The following ANXA10 variants were observed in gnomAD, a reference collection of about 807,000 sequenced individuals.
ANXA10 encodes the protein annexin 14.
A neutral mutation model predicts 53.5 loss-of-function variants in ANXA10; 49 were observed. The observed-to-expected ratio is 0.92, with a 90% confidence interval of 0.73 to 1.16. ANXA10 has a LOEUF of 1.16. Ranked by LOEUF, ANXA10 falls within the 50% of genes most tolerant of loss-of-function variation. The pLI is 0.00. For synonymous variants in ANXA10, 131 were observed against 128.9 expected, an observed-to-expected ratio of 1.02 and a Z score of -0.11; for missense variants, 393 against 394.4, an observed-to-expected ratio of 1.00 and a Z score of 0.03.
At chr4:168,127,998 A>C (rs556365748) in intron 1 of ANXA10, 86 bp from the exon 2 acceptor site, 1 of 1,215,870 alleles carries the variant, frequency 8.2e-7, no homozygotes, top group Non-Finnish European at 1.2e-6. Flanking sequence ...TGCAGAGATT[A>C]CAGGTATGAG....
At chr4:168,134,856 CTA>C (rs1488661471) in intron 2 of ANXA10, among the ~76,000 whole-genome samples, 1 of 152,164 alleles carries the variant, frequency 6.6e-6, no homozygotes, top group Non-Finnish European at 1.5e-5. Context: ...ATACAGTCAT[CTA>C]TGTTAATTCT....
chr4:168,115,889 C>A (rs17053674), intron 1 of ANXA10, among the ~76,000 whole-genome samples: 3,565 of 152,170 alleles, frequency 0.023, 132 homozygotes, highest in African/African-American at 0.077. Context: ...TAGAGCATAG[C>A]CTGCTTATGT....
intron 1 of ANXA10, among the ~76,000 whole-genome samples, chr4:168,121,922 C>T (rs531324768): frequency 6.6e-6 from 1 of 152,186 alleles, no homozygotes; most frequent in Non-Finnish European, 1.5e-5. Flanking sequence ...CCACTCACGG[C>T]AACCTCCACC....
intron 9 of ANXA10, among the ~76,000 whole-genome samples, chr4:168,181,399 A>G (rs1732241827): frequency 6.6e-6 from 1 of 151,832 alleles, no homozygotes; most frequent in African/African-American, 2.4e-5. Context: ...TCAAAAAAAA[A>G]AAAAAAAAGA....
chr4:168,183,086 T>C (rs183854546), intron 10 of ANXA10, among the ~76,000 whole-genome samples: 204 of 151,692 alleles, frequency 1.3e-3, no homozygotes, highest in African/African-American at 4.6e-3. Context: ...TGTCGTAGCC[T>C]TGAAAACTCA....
chr4:168,155,583 T>C (rs1260961179), intron 3 of ANXA10, among the ~76,000 whole-genome samples: 1 of 73,452 alleles, frequency 1.4e-5, no homozygotes, highest in Non-Finnish European at 2.3e-5. Flanking sequence ...TTATATATTA[T>C]AAATATATAT....
chr4:168,155,565 A>T (rs867390143), intron 3 of ANXA10, among the ~76,000 whole-genome samples: 69 of 63,882 alleles, frequency 1.1e-3, no homozygotes, highest in Middle Eastern at 0.017. Context: ...TAATTATATA[A>T]TATATAATTA....
chr4:168,143,195 C>G (rs1731353014), intron 3 of ANXA10, among the ~76,000 whole-genome samples: 1 of 152,160 alleles, frequency 6.6e-6, no homozygotes, highest in South Asian at 2.1e-4. Context: ...TTGACATCTA[C>G]CACCGCTCAC....
rs748098443 is a variant in ANXA10 at position 168,139,508 on chromosome 4, C to T, written c.123C>T (p.Ile41=). Residue 41 remains isoleucine, a synonymous_variant, in exon 3 of 12, where the codon ATC becomes ATT. Coordinates refer to ENST00000359299, the MANE Select transcript of ANXA10 (RefSeq NM_007193.5). ...QGFDCDKDML[I]NILTQRCNAQ... The stretch of plus-strand genomic sequence containing the variant: ...CAGACTGTGACAAAGACATGCTGAT[C>T]AACATTCTGACTCAGCGCTGCAATG... 2 of 1,612,528 alleles carry T rather than the reference C, an allele frequency of 1.2e-6. No individual in the cohort carries two copies. Among genetic ancestry groups the T allele is most frequent in the Non-Finnish European group, 1.7e-6 (2 of 1,178,820 alleles).
Position 168,149,607 on chromosome 4 carries a change from G to C in ANXA10, c.195+10027G>C, listed in dbSNP as rs1184022640. Among the ~76,000 whole-genome samples, 8 of 152,042 alleles carry C rather than the reference G, an allele frequency of 5.3e-5. 1 individual carries two copies. Among genetic ancestry groups the C allele is most frequent in the Admixed American group, 3.9e-4 (6 of 15,262 alleles). On this transcript the variant is annotated intron_variant, in intron 3 of 11. Coordinates refer to ENST00000359299, the MANE Select transcript of ANXA10 (RefSeq NM_007193.5). Reference sequence around the variant, plus strand: ...TTAGGGAGAATCTTTTTCTGTTCTGGAGTGTCAGAGAATTTCTGAAGATTG... The same window carrying C: ...TTAGGGAGAATCTTTTTCTGTTCTGCAGTGTCAGAGAATTTCTGAAGATTG...
Position 168,139,426 on chromosome 4 carries a change from G to T in ANXA10, c.101-60G>T, listed in dbSNP as rs956496778. 5.0e-6 allele frequency: 7 copies of T among 1,406,484 alleles called. No homozygotes were observed. In the African/African-American group the frequency reaches 9.9e-5, roughly 20 times the overall value. 87.1% of individuals were successfully genotyped at this position (1,406,484 alleles called of 1,614,324 possible). ...ATACTGGTTATGATCGTTAGATAAA[G>T]GATTCTTCCCAACTACAAAGTAGCA... On this transcript the variant is annotated intron_variant, in intron 2 of 11. Coordinates refer to ENST00000359299, the MANE Select transcript of ANXA10 (RefSeq NM_007193.5).
intron 3 of ANXA10, among the ~76,000 whole-genome samples, chr4:168,147,641 C>G (rs1001425513): frequency 6.6e-6 from 1 of 152,202 alleles, no homozygotes; most frequent in Admixed American, 6.5e-5. Context: ...GGTCTCCAAT[C>G]ATAAGGTTTT....
At chr4:168,093,643 C>T (rs1304508571) in intron 1 of ANXA10, among the ~76,000 whole-genome samples, 4 of 152,132 alleles carry the variant, frequency 2.6e-5, no homozygotes, top group African/African-American at 4.8e-5. Context: ...CGCCACTGCA[C>T]TCCAGCCTGG....
At position 168,167,770 on chromosome 4, in the gene ANXA10, G is replaced by A. The variant is rs542497866; in HGVS notation, c.480+2444G>A. Among the ~76,000 whole-genome samples, 3 of 152,232 alleles carry A rather than the reference G, an allele frequency of 2.0e-5. No homozygotes were observed. The East Asian group carries it at 5.8e-4, about 29-fold the overall frequency. ...ATATTTCTCCGGTATGACTTTCTTTGCATCCTTGCTCCCTCATTTATGCCT... is the reference window on the plus strand; with the variant it reads ...ATATTTCTCCGGTATGACTTTCTTTACATCCTTGCTCCCTCATTTATGCCT... On this transcript the variant is annotated intron_variant, in intron 6 of 11. Transcript: ENST00000359299.
chr4:168,155,044 T>G (rs1376783581), intron 3 of ANXA10, among the ~76,000 whole-genome samples: 3 of 151,782 alleles, frequency 2.0e-5, no homozygotes, highest in African/African-American at 7.3e-5. Context: ...CAACCCAACA[T>G]TTACTGAAGG....
chr4:168,134,451 A>G (rs935568631), intron 2 of ANXA10, among the ~76,000 whole-genome samples: 4 of 152,188 alleles, frequency 2.6e-5, no homozygotes, highest in African/African-American at 9.7e-5. Context: ...AGAGCGCTAG[A>G]TTGTGGATAA....
intron 1 of ANXA10, among the ~76,000 whole-genome samples, chr4:168,106,757 G>A (rs1177950245): frequency 6.6e-6 from 1 of 152,028 alleles, no homozygotes; most frequent in Non-Finnish European, 1.5e-5. Flanking sequence ...TTCTGGCTGT[G>A]CTTTATTTTT....
At chr4:168,176,507 AAAC>A (rs1732130261) in intron 6 of ANXA10, among the ~76,000 whole-genome samples, 1 of 152,164 alleles carries the variant, frequency 6.6e-6, no homozygotes, top group Admixed American at 6.5e-5. Context: ...CCATGGTCAT[AAAC>A]AACTCAATCT....
At chr4:168,185,510 G>A (rs1312123116) in intron 11 of ANXA10, among the ~76,000 whole-genome samples, 1 of 152,194 alleles carries the variant, frequency 6.6e-6, no homozygotes, top group Non-Finnish European at 1.5e-5. Flanking sequence ...GGGCAAAGGA[G>A]CAATGATTCA....
Sources: gnomAD v4.1 joint callset for allele counts (sites outside exome capture counted in the v4.1 genomes callset) on GRCh38, gnomAD v4.1.1 for gene constraint, MANE v1.5 for transcripts, NCBI Gene and HGNC (gene_info 2026-07-23, HGNC 2026-07-21) for gene names.